Variants in VAV3 observed in about 807,000 individuals in gnomAD.
VAV3 encodes vav guanine nucleotide exchange factor 3, also known as guanine nucleotide exchange factor VAV3.
A neutral mutation model predicts 131.2 loss-of-function variants in VAV3; 94 were observed. That is an observed-to-expected ratio of 0.72 (90% CI 0.61 to 0.85). The LOEUF is 0.85. Ranked by LOEUF, VAV3 falls within the 40% of genes least tolerant of loss-of-function variation. VAV3 has a pLI of 0.00. For missense variants in VAV3, 939 were observed against 1,002.7 expected (o/e 0.94, Z 0.86); for synonymous variants, 349 against 342.0 (o/e 1.02, Z -0.22).
chr1:107,821,687 C>T (rs557474923), intron 2 of VAV3, among the ~76,000 whole-genome samples: 39 of 152,258 alleles, frequency 2.6e-4, no homozygotes, highest in African/African-American at 8.7e-4. Context: ...AAGCTTCCAG[C>T]TGGGGAGTGC....
At chr1:107,686,342 T>C (rs1250081603) in intron 18 of VAV3, among the ~76,000 whole-genome samples, 1 of 151,746 alleles carries the variant, frequency 6.6e-6, no homozygotes, top group Non-Finnish European at 1.5e-5. Context: ...CAATCATAAC[T>C]ATTGAAAGGG....
At chr1:107,785,657 A>G in intron 2 of VAV3, 2 of 1,116,710 alleles carry the variant, frequency 1.8e-6, no homozygotes, top group Non-Finnish European at 2.2e-6. Context: ...GGGGTTGTGG[A>G]GAAAAACTTG....
chr1:107,879,438 C>A (rs1276816253), intron 1 of VAV3, among the ~76,000 whole-genome samples: 1 of 152,096 alleles, frequency 6.6e-6, no homozygotes, highest in East Asian at 1.9e-4. Context: ...GCATAATAAG[C>A]CAATTCTTAT....
intron 1 of VAV3, among the ~76,000 whole-genome samples, chr1:107,951,215 C>T (rs1247104500): frequency 6.6e-6 from 1 of 152,138 alleles, no homozygotes; most frequent in African/African-American, 2.4e-5. Flanking sequence ...TTTCTCAAAC[C>T]TTCTTCCTCT....
chr1:107,763,059 CAAAG>C (rs1212619866), intron 9 of VAV3, among the ~76,000 whole-genome samples: 1 of 152,190 alleles, frequency 6.6e-6, no homozygotes, highest in Non-Finnish European at 1.5e-5. Flanking sequence ...ACAGAAGACA[CAAAG>C]AAGGCAGAAA....
chr1:107,929,619 C>G (rs1200284127), intron 1 of VAV3, among the ~76,000 whole-genome samples: 1 of 152,090 alleles, frequency 6.6e-6, no homozygotes, highest in East Asian at 1.9e-4. Context: ...ATAACTACAA[C>G]TTTTCCAGAC....
chr1:107,628,852 T>C lies in VAV3; in HGVS notation c.1915-11220A>G, dbSNP rs555084084. On this transcript the variant is annotated intron_variant, in intron 20 of 26. Transcript: ENST00000370056. The stretch of plus-strand genomic sequence containing the variant: ...GGCCCTTTAAAGACACAGTTCTAAA[T>C]GAAGGTAACATGATTTTCCATTTAC... Among the ~76,000 whole-genome samples the C allele has an allele frequency of 5.3e-5, 8 of 152,298 alleles. No individual in the cohort carries two copies. In the South Asian group the frequency reaches 8.3e-4, roughly 16 times the overall value.
intron 2 of VAV3, among the ~76,000 whole-genome samples, chr1:107,848,094 G>A (rs778978022): frequency 5.2e-4 from 79 of 152,026 alleles, no homozygotes; most frequent in Non-Finnish European, 1.0e-3. Flanking sequence ...AGGGTGAATT[G>A]CAAGGTGAGG....
intron 20 of VAV3, among the ~76,000 whole-genome samples, chr1:107,618,673 GA>G (rs1258643648): frequency 6.6e-6 from 1 of 152,100 alleles, no homozygotes; most frequent in Non-Finnish European, 1.5e-5. Flanking sequence ...TACAGATGAG[GA>G]AAATGAGACA....
In VAV3 at chr1:107,601,242, G is replaced by A. The variant is rs1651835470; in HGVS notation, c.2220+1155C>T. ...GGATCTTGGTTACAAATTTGACAGA[G>A]TTTACATTTTCCAGGACATGACCTT... is the stretch of plus-strand genomic sequence containing the variant. On this transcript the variant is annotated intron_variant, in intron 24 of 26. Transcript: ENST00000370056. Among the ~76,000 whole-genome samples the A allele has an allele frequency of 2.0e-5, 3 of 152,102 alleles. No individual in the cohort carries two copies. The South Asian group carries it at 6.2e-4, about 32-fold the overall frequency.
intron 24 of VAV3, among the ~76,000 whole-genome samples, chr1:107,599,852 ATTC>A (rs1003281795): frequency 6.0e-5 from 9 of 149,638 alleles, no homozygotes; most frequent in African/African-American, 2.2e-4. Context: ...ATACTGAACT[ATTC>A]TTAAGAAACA....
At chr1:107,725,947 T>C (rs887191069) in intron 15 of VAV3, among the ~76,000 whole-genome samples, 2 of 152,184 alleles carry the variant, frequency 1.3e-5, no homozygotes, top group Non-Finnish European at 2.9e-5. Context: ...AACCATACTG[T>C]CCTGGGTAGT....
At chr1:107,648,442 C>T (rs1291539522) in intron 19 of VAV3, among the ~76,000 whole-genome samples, 1 of 151,904 alleles carries the variant, frequency 6.6e-6, no homozygotes, top group Non-Finnish European at 1.5e-5. Context: ...GCAAATTTAA[C>T]ATTCTGTTCT....
At chr1:107,900,496 A>G (rs1342678059) in intron 1 of VAV3, among the ~76,000 whole-genome samples, 1 of 152,202 alleles carries the variant, frequency 6.6e-6, no homozygotes, top group East Asian at 1.9e-4. Context: ...TACACCTTAT[A>G]AAGTCTAGAC....
At chr1:107,776,583 A>C (rs1570937581) in intron 4 of VAV3, among the ~76,000 whole-genome samples, 1 of 152,354 alleles carries the variant, frequency 6.6e-6, no homozygotes, top group East Asian at 1.9e-4. Context: ...TAGATGAATG[A>C]ATGGATGAAG....
At chr1:107,836,460 A>AC (rs142665692) in intron 2 of VAV3, among the ~76,000 whole-genome samples, 5,119 of 152,304 alleles carry the variant, frequency 0.034, 185 homozygotes, top group African/African-American at 0.09. Context: ...CTAAATGCCT[A>AC]CATCAAAAAG....
At chr1:107,756,245 C>A (rs1664091879) in intron 11 of VAV3, among the ~76,000 whole-genome samples, 1 of 152,120 alleles carries the variant, frequency 6.6e-6, no homozygotes, top group African/African-American at 2.4e-5. Context: ...ATTTTTGTTA[C>A]ATGTGCTCCA....
intron 15 of VAV3, among the ~76,000 whole-genome samples, chr1:107,710,122 T>C (rs1570799377): frequency 6.6e-6 from 1 of 152,298 alleles, no homozygotes; most frequent in Middle Eastern, 3.4e-3. Flanking sequence ...AGTAATATAG[T>C]TATAGAATAA....
intron 1 of VAV3, among the ~76,000 whole-genome samples, chr1:107,884,470 T>C (rs1253377751): frequency 6.7e-6 from 1 of 150,292 alleles, no homozygotes; most frequent in Non-Finnish European, 1.5e-5. Context: ...AGGTTCTTTC[T>C]TGCTCTGTCA....
Sources: gnomAD v4.1 joint callset for allele counts (sites outside exome capture counted in the v4.1 genomes callset) on GRCh38, gnomAD v4.1.1 for gene constraint, MANE v1.5 for transcripts, NCBI Gene and HGNC (gene_info 2026-07-23, HGNC 2026-07-21) for gene names.